Variants in GNAS observed in about 807,000 individuals in gnomAD.
GNAS encodes GNAS complex locus.
A neutral mutation model predicts 54.5 loss-of-function variants in GNAS; 8 were observed. That is an observed-to-expected ratio of 0.15 (90% confidence interval 0.09 to 0.26). The LOEUF is 0.26. Ranked by LOEUF, GNAS falls within the 10% of genes least tolerant of loss-of-function variation. GNAS has a pLI of 1.00. For synonymous variants in GNAS, 204 were observed against 191.4 expected, an observed-to-expected ratio of 1.07 and a Z score of -0.54; for missense variants, 170 against 529.8, an observed-to-expected ratio of 0.32 and a Z score of 6.67.
At chr20:58,844,859 C>T (rs1159856741) in intron 1 of GNAS, among the ~76,000 whole-genome samples, 1 of 151,984 alleles carries the variant, frequency 6.6e-6, no homozygotes, top group East Asian at 1.9e-4. Flanking sequence ...AAAAAAGCAC[C>T]AGCTAGGAAG....
At chr20:58,877,948 G>A (rs1337208149) in intron 1 of GNAS, among the ~76,000 whole-genome samples, 7 of 152,208 alleles carry the variant, frequency 4.6e-5, no homozygotes, top group Non-Finnish European at 1.5e-5. Flanking sequence ...GTAACAAAAT[G>A]AGTCCAGGTT....
chr20:58,853,312 G>A lies in GNAS; in HGVS notation c.43+12426G>A, dbSNP rs182064479. 5 of 1,550,270 alleles carry A rather than the reference G, an allele frequency of 3.2e-6. No individual in the cohort carries two copies. The East Asian group carries it at 7.3e-5, about 23-fold the overall frequency. The stretch of plus-strand genomic sequence containing the variant: ...TACGGCAATAATATGTCAGGACAAC[G>A]CGATATCCCCCCTGAAATCGGGGAA... On this transcript the variant is annotated intron_variant, in intron 1 of 12. Coordinates refer to the GNAS transcript ENST00000306090. The surrounding 1 kb of genome is among the most constrained non-coding windows in gnomAD (Gnocchi z 4.4).
At chr20:58,884,955 C>G (rs2088488313) in intron 1 of GNAS, 2 of 152,140 alleles carry the variant, frequency 1.3e-5, no homozygotes, top group Admixed American at 1.3e-4. Flanking sequence ...GCCTTTTGGT[C>G]CTGCTAGTGG....
chr20:58,850,568 C>T (rs1330443176), intron 1 of GNAS: 2 of 398,812 alleles, frequency 5.0e-6, no homozygotes, highest in Non-Finnish European at 8.8e-6. Flanking sequence ...GGGGCCTCAA[C>T]TCCTTATCCA....
chr20:58,904,883 T>G (rs959484076), intron 5 of GNAS, among the ~76,000 whole-genome samples: 1 of 152,220 alleles, frequency 6.6e-6, no homozygotes, highest in Non-Finnish European at 1.5e-5. Flanking sequence ...CAATAACTTT[T>G]TATTAGTCCT....
upstream of GNAS, among the ~76,000 whole-genome samples, chr20:58,890,305 C>A (rs1319450982): frequency 6.8e-6 from 1 of 147,894 alleles, no homozygotes; most frequent in Non-Finnish European, 1.5e-5. Flanking sequence ...GAGGAGGGCG[C>A]CGTCGGGGGC....
chr20:58,893,796 T>C (rs2089764414), intron 1 of GNAS, among the ~76,000 whole-genome samples: 1 of 152,266 alleles, frequency 6.6e-6, no homozygotes, highest in African/African-American at 2.4e-5. Context: ...GAATGCTATC[T>C]CAGTACTACT....
chr20:58,850,866 GC>G, intron 1 of GNAS: 1 of 398,866 alleles, frequency 2.5e-6, no homozygotes, highest in Non-Finnish European at 4.4e-6. Context: ...AACCACCCCA[GC>G]AGCACCTCTT....
upstream of GNAS, chr20:58,840,590 C>CG: frequency 6.2e-7 from 1 of 1,611,020 alleles, no homozygotes. This position sits in a 1 kb window ranked among gnomAD's most constrained non-coding sequence, Gnocchi z 6.0. Context: ...CCTCACCCAG[C>CG]GTCTGCACGC....
chr20:58,875,374 G>T (rs1370550277), intron 1 of GNAS, among the ~76,000 whole-genome samples: 1 of 152,178 alleles, frequency 6.6e-6, no homozygotes, highest in African/African-American at 2.4e-5. Flanking sequence ...AGGGACATGT[G>T]CATTTTCATA....
At chr20:58,889,268 G>A (rs1355538622), upstream of GNAS, 7 of 1,044,922 alleles carry the variant, frequency 6.7e-6, 1 homozygote, top group Admixed American at 3.2e-4. Flanking sequence ...GCGGCGCGGC[G>A]GCTGGAGCGA....
upstream of GNAS, among the ~76,000 whole-genome samples, chr20:58,887,610 G>C (rs1475316504): frequency 1.3e-5 from 2 of 152,178 alleles, no homozygotes; most frequent in African/African-American, 2.4e-5. Flanking sequence ...TAGTTCCTTT[G>C]AGCATTTTCA....
At chr20:58,908,164 ATT>A (rs748551959) in intron 6 of GNAS, among the ~76,000 whole-genome samples, 5 of 152,062 alleles carry the variant, frequency 3.3e-5, no homozygotes, top group Non-Finnish European at 5.9e-5. Context: ...TCTCTTTATG[ATT>A]TTCTTTTCTC....
intron 1 of GNAS, chr20:58,892,474 G>C (rs2089534415): frequency 6.9e-6 from 1 of 145,764 alleles, no homozygotes; most frequent in South Asian, 2.3e-4. Flanking sequence ...TGGGGGGGCT[G>C]GTGACATCAG....
rs1568979988 is a variant in GNAS, at chr20:58,891,869, A to C, written c.139+4A>C. On this transcript the variant is annotated splice_donor_region_variant and intron_variant, in intron 1 of 12. Coordinates refer to ENST00000371085, the MANE Select transcript of GNAS (RefSeq NM_000516.7). ...ACGCACCGCCTGCTGCTGCTGGGTAAGGGCGGGCGGGGGGCGCCGGCCCCG... is the reference window on the plus strand; with the variant it reads ...ACGCACCGCCTGCTGCTGCTGGGTACGGGCGGGCGGGGGGCGCCGGCCCCG... The C allele has an allele frequency of 5.0e-6, 6 of 1,193,090 alleles. No individual in the cohort carries two copies. The Admixed American group carries it at 1.2e-4, about 24-fold the overall frequency. 73.9% of individuals were successfully genotyped at this position (1,193,090 alleles called of 1,614,324 possible). A position where few individuals can be genotyped will look rare whatever the true frequency, so the allele number is the denominator to read the frequency against.
At chr20:58,894,967 T>G (rs1249386048) in intron 1 of GNAS, among the ~76,000 whole-genome samples, 1 of 152,186 alleles carries the variant, frequency 6.6e-6, no homozygotes, top group African/African-American at 2.4e-5. Flanking sequence ...TTTAGAAAGA[T>G]ATAGTTTGTG....
chr20:58,855,345 G>C (rs1401829920), intron 1 of GNAS: 3 of 1,557,950 alleles, frequency 1.9e-6, no homozygotes, highest in East Asian at 4.8e-5. Flanking sequence ...TAATGCGGCG[G>C]ACTCTGCCTG....
chr20:58,871,626 A>AAAAAC (rs1555878019), intron 1 of GNAS, among the ~76,000 whole-genome samples: 8 of 147,758 alleles, frequency 5.4e-5, no homozygotes, highest in African/African-American at 2.0e-4. Flanking sequence ...AAAAAAAAAA[A>AAAAAC]AAACAAACAA....
chr20:58,898,901 G>C, intron 2 of GNAS, 40 bp from the exon 3 acceptor site: 1 of 1,568,908 alleles, frequency 6.4e-7, no homozygotes, highest in East Asian at 2.2e-5. Flanking sequence ...ACACTGCGGT[G>C]CCTTGCAGAT....
Sources: gnomAD v4.1 joint callset for allele counts (sites outside exome capture counted in the v4.1 genomes callset) on GRCh38, gnomAD v4.1.1 for gene constraint, Gnocchi (gnomAD v3.1) non-coding constraint, MANE v1.5 for transcripts, NCBI Gene and HGNC (gene_info 2026-07-23, HGNC 2026-07-21) for gene names.